Variants in STARD13 observed in about 807,000 individuals in gnomAD.
STARD13 encodes StAR related lipid transfer domain containing 13.
A neutral mutation model predicts 106.4 loss-of-function variants in STARD13; 62 were observed. The ratio of observed to expected loss-of-function variants is 0.58; its 90% CI spans 0.48 to 0.72. The LOEUF is 0.72. STARD13 is among the 30% of genes least tolerant of loss of function. STARD13 has a pLI of 0.00. For missense variants in STARD13, 1,387 were observed against 1,424.0 expected (o/e 0.97, Z 0.42); for synonymous variants, 565 against 553.0 (o/e 1.02, Z -0.31).
At chr13:33,575,600 T>G in the STARD13 span, among the ~76,000 whole-genome samples, 5 of 152,154 alleles carry the variant, frequency 3.3e-5, no homozygotes, top group Non-Finnish European at 5.9e-5. Flanking sequence ...AGTGAATGAG[T>G]TCTCACTCTT....
chr13:33,655,616 A>C, the STARD13 span, among the ~76,000 whole-genome samples: 5 of 152,106 alleles, frequency 3.3e-5, no homozygotes, highest in Non-Finnish European at 7.4e-5. Flanking sequence ...TATTTATGAT[A>C]ATTTTTGTTC....
chr13:33,302,346 G>A (rs1275472032), intron 1 of STARD13, among the ~76,000 whole-genome samples: 1 of 152,116 alleles, frequency 6.6e-6, no homozygotes, highest in East Asian at 1.9e-4. Flanking sequence ...GTATGTGTCA[G>A]GCACTATTCT....
In STARD13 at chr13:33,129,995, C is replaced by G. The variant is rs146112751; in HGVS notation, c.682G>C (p.Val228Leu). 1.2e-6 allele frequency: 2 copies of G among 1,612,840 alleles called. No homozygotes were observed. The highest frequency in any genetic ancestry group is 1.7e-6 in the Non-Finnish European group (2 of 1,179,682). Residue 228 changes from valine (V) to leucine (L), a missense_variant, in exon 5 of 14, where the codon GTC becomes CTC. Transcript: ENST00000336934. ...GGGGGCTGTGGGAGGCTGCTGCTGA[C>G]GAGTGGGGCATCCAGCATGACCGGG... ...DNPVMLDAPL[V>L]SSSLPQPPRD... is the part of the protein sequence containing the mutation.
intron 1 of STARD13, 64 bp from the exon 2 acceptor site, chr13:33,167,686 T>A: frequency 6.7e-7 from 1 of 1,496,118 alleles, no homozygotes; most frequent in Non-Finnish European, 9.3e-7. Context: ...TCTGCCTTCT[T>A]AATCATGGAG....
chr13:33,546,259 A>G, the STARD13 span, among the ~76,000 whole-genome samples: 2 of 152,214 alleles, frequency 1.3e-5, no homozygotes, highest in South Asian at 2.1e-4. Context: ...AAATGGATGT[A>G]TAATGAATAT....
the STARD13 span, among the ~76,000 whole-genome samples, chr13:33,459,868 C>A: frequency 1.3e-5 from 2 of 152,124 alleles, no homozygotes; most frequent in Non-Finnish European, 2.9e-5. Flanking sequence ...AGGACATAGA[C>A]TTATTGCTCC....
At chr13:33,502,531 T>C in the STARD13 span, among the ~76,000 whole-genome samples, 5 of 152,206 alleles carry the variant, frequency 3.3e-5, no homozygotes, top group African/African-American at 4.8e-5. Flanking sequence ...TTGTCATAAA[T>C]AGCTCTTATT....
chr13:33,303,408 T>C (rs1892792674), intron 1 of STARD13, among the ~76,000 whole-genome samples: 1 of 152,200 alleles, frequency 6.6e-6, no homozygotes, highest in South Asian at 2.1e-4. Flanking sequence ...CTCCTCTTCA[T>C]GGCTGGGTGA....
At position 33,123,867 on chromosome 13, in the gene STARD13, G is replaced by A. The variant is rs915833097; in HGVS notation, c.2082+2214C>T. ...GCAGGAAGCCTTCTCCCTGAGACTCGGGGCAATGCCTTGGGAGAGTATGGG... is the reference window on the plus strand; with the variant it reads ...GCAGGAAGCCTTCTCCCTGAGACTCAGGGCAATGCCTTGGGAGAGTATGGG... On this transcript the variant is annotated intron_variant, in intron 7 of 13. Transcript: ENST00000336934. 6.6e-5 allele frequency among the ~76,000 whole-genome samples: 10 copies of A among 152,198 alleles called. 1 individual carries two copies. Among genetic ancestry groups the A allele is most frequent in the Admixed American group, 5.9e-4 (9 of 15,282 alleles).
the STARD13 span, among the ~76,000 whole-genome samples, chr13:33,592,349 T>C: frequency 5.3e-5 from 8 of 152,226 alleles, no homozygotes; most frequent in Non-Finnish European, 7.3e-5. Context: ...TTATTTGTTT[T>C]AGCCATAAAA....
chr13:33,181,476 AT>A (rs1227375697), intron 1 of STARD13, among the ~76,000 whole-genome samples: 2 of 152,182 alleles, frequency 1.3e-5, no homozygotes, highest in Non-Finnish European at 2.9e-5. Context: ...AATGGCTATC[AT>A]TTAGTATGTT....
the STARD13 span, among the ~76,000 whole-genome samples, chr13:33,669,069 T>A: frequency 2.4e-4 from 37 of 152,184 alleles, no homozygotes; most frequent in African/African-American, 8.4e-4. Context: ...GATCACAATG[T>A]AAACTTGTGC....
At chr13:33,244,450 A>G (rs1215256908) in intron 1 of STARD13, among the ~76,000 whole-genome samples, 3 of 152,026 alleles carry the variant, frequency 2.0e-5, no homozygotes, top group Admixed American at 6.6e-5. Flanking sequence ...TACATAGACT[A>G]CTGCTGCGAT....
chr13:33,342,180 T>C (rs965367336), intron 1 of STARD13, among the ~76,000 whole-genome samples: 6 of 152,170 alleles, frequency 3.9e-5, no homozygotes, highest in Admixed American at 6.6e-5. Context: ...AGGCAAAGCA[T>C]AACCCTTAAA....
chr13:33,539,985 A>T, the STARD13 span, among the ~76,000 whole-genome samples: 1 of 152,264 alleles, frequency 6.6e-6, no homozygotes, highest in Non-Finnish European at 1.5e-5. Flanking sequence ...CAAACAACTT[A>T]GTTTTAAAAT....
At chr13:33,630,988 G>A in the STARD13 span, among the ~76,000 whole-genome samples, 1 of 152,138 alleles carries the variant, frequency 6.6e-6, no homozygotes, top group Admixed American at 6.5e-5. Context: ...TGAGATATGA[G>A]CCTGCATTTA....
At chr13:33,385,850 CA>C in the STARD13 span, among the ~76,000 whole-genome samples, 89 of 49,510 alleles carry the variant, frequency 1.8e-3, no homozygotes, top group Middle Eastern at 0.01. Flanking sequence ...GACTCTGTCT[CA>C]AAAAAAAAAA....
chr13:33,307,782 C>A (rs373701217), intron 1 of STARD13, among the ~76,000 whole-genome samples: 3 of 152,134 alleles, frequency 2.0e-5, no homozygotes, highest in East Asian at 3.9e-4. Context: ...TATAACAAAT[C>A]TACATATCCT....
At chr13:33,618,016 A>C in the STARD13 span, among the ~76,000 whole-genome samples, 1 of 152,246 alleles carries the variant, frequency 6.6e-6, no homozygotes, top group Non-Finnish European at 1.5e-5. Flanking sequence ...TGCAAAAAGC[A>C]AAGATGCAAC....
Sources: allele counts gnomAD v4.1 joint callset (sites outside exome capture counted in the v4.1 genomes callset), GRCh38; gene constraint gnomAD v4.1.1; transcripts MANE v1.5; gene names NCBI Gene and HGNC (gene_info 2026-07-23, HGNC 2026-07-21).